Variants in PCDHGA7 observed in about 807,000 individuals in gnomAD.
PCDHGA7 encodes the protein protocadherin gamma-A7.
In PCDHGA7, 44 loss-of-function variants were observed where a neutral mutation model predicts 58.3. The observed-to-expected ratio is 0.75, with a 90% CI of 0.59 to 0.97. The LOEUF (loss-of-function observed/expected upper bound fraction) is 0.97, where lower values mean the gene tolerates loss of function less well. Among genes scored for constraint, PCDHGA7 ranks in the 50% least tolerant of loss-of-function variants. The pLI is 0.00. For missense variants in PCDHGA7, 1,266 were observed against 1,188.7 expected (o/e 1.06, Z -0.96); for synonymous variants, 516 against 504.2 (o/e 1.02, Z -0.31).
At chr5:141,391,398 A>G (rs924962931) in intron 1 of PCDHGA7, 11 of 151,014 alleles carry the variant, frequency 7.3e-5, no homozygotes, top group Middle Eastern at 3.4e-3. Flanking sequence ...CTCCAGCCTC[A>G]AACTCCTGGG....
intron 1 of PCDHGA7, chr5:141,410,800 T>A: frequency 1.5e-6 from 1 of 678,550 alleles, no homozygotes; most frequent in Non-Finnish European, 2.2e-6. Context: ...TAAGTTGCTC[T>A]ATCTTTTTGT....
chr5:141,506,277 T>C (rs905595521), intron 3 of PCDHGA7, among the ~76,000 whole-genome samples: 1 of 152,050 alleles, frequency 6.6e-6, no homozygotes. Flanking sequence ...AGTGAAACCC[T>C]GTCTCTACTA....
chr5:141,415,048 G>C lies in PCDHGA7; in HGVS notation c.2424+29725G>C, dbSNP rs535976406. The C allele has an allele frequency of 5.0e-5, 80 of 1,613,320 alleles. 1 individual carries two copies. The Admixed American group carries it at 6.0e-4, about 12-fold the overall frequency. ...CGAGCCGGGACTCTTCGCGGTGGGG[G>C]AGCACACGGGCGAGGTGCGCACGGC... is the stretch of plus-strand genomic sequence containing the variant. On this transcript the variant is annotated intron_variant, in intron 1 of 3. Transcript: ENST00000518325.
intron 1 of PCDHGA7, chr5:141,393,902 G>C: frequency 6.2e-7 from 1 of 1,613,968 alleles, no homozygotes; most frequent in Non-Finnish European, 8.5e-7. Flanking sequence ...CTCTTCCCGG[G>C]ACAGTAATTG....
At chr5:141,502,525 G>A (rs1258704254) in intron 2 of PCDHGA7, among the ~76,000 whole-genome samples, 1 of 152,074 alleles carries the variant, frequency 6.6e-6, no homozygotes, top group Non-Finnish European at 1.5e-5. Flanking sequence ...CAGTGATGCC[G>A]AGTTTGTTCG....
chr5:141,409,360 A>G (rs746614262), intron 1 of PCDHGA7: 2 of 1,614,014 alleles, frequency 1.2e-6, no homozygotes, highest in Admixed American at 3.3e-5. Flanking sequence ...GGTGTAATAT[A>G]GAAACAGACA....
At chr5:141,393,082 TAGATCGGG>T in intron 1 of PCDHGA7, 1 of 1,613,652 alleles carries the variant, frequency 6.2e-7, no homozygotes, top group Non-Finnish European at 8.5e-7. Flanking sequence ...GCGGGCAGGA[TAGATCGGG>T]AGGAGCTCTG....
In PCDHGA7 at chr5:141,413,469, G is replaced by A. The variant is rs766765319; in HGVS notation, c.2424+28146G>A. 5 of 1,614,012 alleles carry A rather than the reference G, an allele frequency of 3.1e-6. No individual in the cohort carries two copies. The African/African-American group carries it at 5.3e-5, about 17-fold the overall frequency. On this transcript the variant is annotated intron_variant, in intron 1 of 3. Transcript: ENST00000518325. ...CCGCGGGCAGGATAGACCGGGAGGA[G>A]CTCTGCGCTCAGAGCGCGCGGTGCG...
chr5:141,389,284 C>A, intron 1 of PCDHGA7: 1 of 1,614,048 alleles, frequency 6.2e-7, no homozygotes, highest in Non-Finnish European at 8.5e-7. Flanking sequence ...CCGCCTGGAG[C>A]CTCTATTTCA....
At position 141,489,728 on chromosome 5, in the gene PCDHGA7, G is replaced by T; in HGVS notation, c.2425-5079G>T. ...GACAGTGCCCAGGATCCGGATGTGGGCACCAATACTGTGAGCTTTTACACT... is the reference window on the plus strand; with the variant it reads ...GACAGTGCCCAGGATCCGGATGTGGTCACCAATACTGTGAGCTTTTACACT... On this transcript the variant is annotated intron_variant, in intron 1 of 3. Transcript: ENST00000518325. The surrounding 1 kb of genome is among the most constrained non-coding windows in gnomAD (Gnocchi z 4.5). The T allele has an allele frequency of 3.1e-6, 5 of 1,614,138 alleles. No homozygotes were observed. The South Asian group carries it at 5.5e-5, about 18-fold the overall frequency.
rs771124496 is a variant in PCDHGA7, at chr5:141,489,457, C to A, written c.2425-5350C>A. The A allele has an allele frequency of 6.2e-7, 1 of 1,613,882 alleles. No homozygotes were observed. The highest frequency in any genetic ancestry group is 8.5e-7 in the Non-Finnish European group (1 of 1,179,984). ...GCAATTGGGCTCTGAGGAGAATGGG[C>A]GCTATTTTTCCCTGAGCTTGATGAG... On this transcript the variant is annotated intron_variant, in intron 1 of 3. Coordinates refer to ENST00000518325, the MANE Select transcript of PCDHGA7 (RefSeq NM_018920.4). This position sits in a 1 kb window ranked among gnomAD's most constrained non-coding sequence, Gnocchi z 4.5.
At chr5:141,480,935 C>G (rs1297213622) in intron 1 of PCDHGA7, among the ~76,000 whole-genome samples, 1 of 152,092 alleles carries the variant, frequency 6.6e-6, no homozygotes, top group Non-Finnish European at 1.5e-5. Flanking sequence ...GTCCCAGCTA[C>G]TCTAGAGGCT....
At chr5:141,448,143 A>C (rs2098568288) in intron 1 of PCDHGA7, among the ~76,000 whole-genome samples, 1 of 152,012 alleles carries the variant, frequency 6.6e-6, no homozygotes, top group Admixed American at 6.6e-5. Context: ...ACTATACCTC[A>C]GACTCACCCC....
Position 141,486,880 on chromosome 5 carries a change from G to T in PCDHGA7, c.2425-7927G>T. On this transcript the variant is annotated intron_variant, in intron 1 of 3. Transcript: ENST00000518325. The surrounding 1 kb of genome is among the most constrained non-coding windows in gnomAD (Gnocchi z 5.0). The stretch of plus-strand genomic sequence containing the variant: ...ATGCTCCAGCTGTGCTCCGTCCTCG[G>T]GCCCGGCCTGGTTCCTTATGTCCCC... The T allele has an allele frequency of 6.2e-7, 1 of 1,614,212 alleles. No homozygotes were observed. Among genetic ancestry groups the T allele is most frequent in the East Asian group, 2.2e-5 (1 of 44,882 alleles).
intron 2 of PCDHGA7, among the ~76,000 whole-genome samples, chr5:141,499,937 C>T (rs1257575594): frequency 6.6e-6 from 1 of 152,082 alleles, no homozygotes; most frequent in Non-Finnish European, 1.5e-5. Context: ...ATCCACCCTC[C>T]TCGGCCTCCC....
intron 1 of PCDHGA7, among the ~76,000 whole-genome samples, chr5:141,425,585 A>G (rs1270579511): frequency 6.6e-6 from 1 of 152,252 alleles, no homozygotes; most frequent in African/African-American, 2.4e-5. Flanking sequence ...GGCTAACTTT[A>G]TTCTGAATAT....
In PCDHGA7 at chr5:141,421,851, T is replaced by A. The variant is rs771169063; in HGVS notation, c.2424+36528T>A. 16 of 1,613,596 alleles carry A rather than the reference T, an allele frequency of 9.9e-6. No homozygotes were observed. The Middle Eastern group carries it at 4.9e-4, about 50-fold the overall frequency. On this transcript the variant is annotated intron_variant, in intron 1 of 3. Coordinates refer to ENST00000518325, the MANE Select transcript of PCDHGA7 (RefSeq NM_018920.4). ...GCCTGGACCGAGAGAAAGAGGCTGC[T>A]CACCTGCTCCTCCTCACAGCTTTAG...
intron 1 of PCDHGA7, among the ~76,000 whole-genome samples, chr5:141,446,167 G>A (rs1357034077): frequency 6.6e-6 from 1 of 152,188 alleles, no homozygotes; most frequent in African/African-American, 2.4e-5. Flanking sequence ...ATTTCATGAG[G>A]GCAGGGGGTG....
chr5:141,395,055 G>T, intron 1 of PCDHGA7: 1 of 1,614,178 alleles, frequency 6.2e-7, no homozygotes, highest in African/African-American at 1.3e-5. Context: ...GGAGGTACAG[G>T]CTTTCCTGCA....
Sources: gnomAD v4.1 joint callset for allele counts (sites outside exome capture counted in the v4.1 genomes callset) on GRCh38, gnomAD v4.1.1 for gene constraint, Gnocchi (gnomAD v3.1) non-coding constraint, MANE v1.5 for transcripts, NCBI Gene and HGNC (gene_info 2026-07-23, HGNC 2026-07-21) for gene names.